GALNTL6: variants seen among roughly 807,000 people sequenced by gnomAD.
GALNTL6 encodes the protein polypeptide N-acetylgalactosaminyltransferase-like 6.
In GALNTL6, 46 loss-of-function variants were observed where a neutral mutation model predicts 73.7. The observed-to-expected ratio is 0.62, with a 90% CI of 0.49 to 0.80. The LOEUF (loss-of-function observed/expected upper bound fraction) is 0.80. Ranked by LOEUF, GALNTL6 falls within the 30% of genes least tolerant of loss-of-function variation. The pLI is 0.00. For missense variants in GALNTL6, 604 were observed against 755.0 expected, an observed-to-expected ratio of 0.80 and a Z score of 2.34; for synonymous variants, 259 against 263.7, an observed-to-expected ratio of 0.98 and a Z score of 0.17.
chr4:172,054,056 G>T (rs925080857), intron 2 of GALNTL6, among the ~76,000 whole-genome samples: 3 of 151,986 alleles, frequency 2.0e-5, no homozygotes, highest in Admixed American at 1.3e-4. Flanking sequence ...AGAAATAAAT[G>T]TTGGCTTCTA....
intron 5 of GALNTL6, among the ~76,000 whole-genome samples, chr4:172,435,066 G>C (rs1731586181): frequency 1.3e-5 from 2 of 151,878 alleles, no homozygotes; most frequent in South Asian, 4.2e-4. Context: ...TTAATTACTG[G>C]GGTCCTTGGA....
rs1438338630 is a variant in GALNTL6 at position 172,855,670 on chromosome 4, G to C, written c.924-27120G>C. 2.6e-5 allele frequency among the ~76,000 whole-genome samples: 4 copies of C among 152,218 alleles called. No homozygotes were observed. In the East Asian group the frequency reaches 7.7e-4, roughly 29 times the overall value. On this transcript the variant is annotated intron_variant, in intron 7 of 12. Coordinates refer to ENST00000506823, the MANE Select transcript of GALNTL6 (RefSeq NM_001034845.3). ...AAGAGTTTTCAGCCCTTGAGTATTT[G>C]CTTTTTAAAAGACTGGATTCTATCA...
chr4:172,084,886 T>C (rs1290119494), intron 2 of GALNTL6, among the ~76,000 whole-genome samples: 1 of 152,166 alleles, frequency 6.6e-6, no homozygotes, highest in Non-Finnish European at 1.5e-5. Context: ...TATATGATGT[T>C]GTCACGTAAA....
At chr4:172,181,860 C>T (rs1251206745) in intron 2 of GALNTL6, among the ~76,000 whole-genome samples, 2 of 151,792 alleles carry the variant, frequency 1.3e-5, no homozygotes, top group Non-Finnish European at 2.9e-5. Flanking sequence ...GGACTACAGG[C>T]ACCCACCACC....
chr4:171,938,203 CTTAGTCATTCCCCAG>C (rs1393342393), intron 2 of GALNTL6, among the ~76,000 whole-genome samples: 11 of 152,158 alleles, frequency 7.2e-5, no homozygotes, highest in African/African-American at 2.6e-4. Context: ...CCAATGCCTG[CTTAGTCATTCCCCAG>C]TCTCCAGCCC....
intron 2 of GALNTL6, among the ~76,000 whole-genome samples, chr4:172,140,231 AG>A (rs1369324100): frequency 7.2e-5 from 11 of 152,110 alleles, no homozygotes; most frequent in Non-Finnish European, 1.3e-4. Flanking sequence ...TACATGTTGC[AG>A]AAAAAGGTGT....
intron 3 of GALNTL6, among the ~76,000 whole-genome samples, chr4:172,247,357 T>C (rs1737698490): frequency 6.6e-6 from 1 of 152,126 alleles, no homozygotes; most frequent in African/African-American, 2.4e-5. Context: ...TACTTGATGG[T>C]TTCTTAGAGA....
chr4:172,450,075 G>T (rs967079897), intron 5 of GALNTL6, among the ~76,000 whole-genome samples: 4 of 151,936 alleles, frequency 2.6e-5, no homozygotes, highest in Non-Finnish European at 5.9e-5. Context: ...AAATTAGCCA[G>T]GTGTGGTGGT....
chr4:171,923,805 T>C (rs1462817998), intron 2 of GALNTL6, among the ~76,000 whole-genome samples: 1 of 147,658 alleles, frequency 6.8e-6, no homozygotes, highest in Non-Finnish European at 1.5e-5. Flanking sequence ...TGTGTGTGTG[T>C]GTGTGTGTGT....
At chr4:172,367,331 C>T (rs930853630) in intron 5 of GALNTL6, among the ~76,000 whole-genome samples, 1 of 152,068 alleles carries the variant, frequency 6.6e-6, no homozygotes, top group Non-Finnish European at 1.5e-5. Context: ...ATGTGTTTGC[C>T]TTCATTCATG....
intron 2 of GALNTL6, among the ~76,000 whole-genome samples, chr4:172,182,723 AT>A (rs969762485): frequency 6.6e-6 from 1 of 151,966 alleles, no homozygotes; most frequent in Admixed American, 6.6e-5. Context: ...GTGTAAATAC[AT>A]TTTTTAAATG....
intron 5 of GALNTL6, among the ~76,000 whole-genome samples, chr4:172,558,249 T>C (rs1252553078): frequency 6.6e-6 from 1 of 152,156 alleles, no homozygotes; most frequent in East Asian, 1.9e-4. Flanking sequence ...ATGAACAAAC[T>C]TCAAACCTAC....
At chr4:172,996,275 A>C (rs772481744) in intron 10 of GALNTL6, among the ~76,000 whole-genome samples, 6 of 152,150 alleles carry the variant, frequency 3.9e-5, no homozygotes, top group Non-Finnish European at 7.3e-5. Context: ...ATCCTTAGCA[A>C]ACTAACGCAG....
intron 5 of GALNTL6, among the ~76,000 whole-genome samples, chr4:172,682,838 A>G (rs967281132): frequency 2.0e-5 from 3 of 152,044 alleles, no homozygotes; most frequent in African/African-American, 7.3e-5. Context: ...TGTGCTCCCC[A>G]TGAGCTAAGG....
intron 7 of GALNTL6, among the ~76,000 whole-genome samples, chr4:172,881,878 C>CTCA (rs1035178337): frequency 6.6e-6 from 1 of 152,146 alleles, no homozygotes; most frequent in Non-Finnish European, 1.5e-5. Flanking sequence ...CCACGCTAGC[C>CTCA]TCAGCCTTGG....
At chr4:172,059,678 G>A (rs1307263620) in intron 2 of GALNTL6, among the ~76,000 whole-genome samples, 1 of 152,116 alleles carries the variant, frequency 6.6e-6, no homozygotes, top group African/African-American at 2.4e-5. Context: ...ATTTAAATGT[G>A]AATTGGTTAA....
At chr4:172,026,218 T>A (rs1263128120) in intron 2 of GALNTL6, among the ~76,000 whole-genome samples, 4 of 116,000 alleles carry the variant, frequency 3.4e-5, no homozygotes, top group Non-Finnish European at 7.5e-5. Flanking sequence ...ACCCTCAGGA[T>A]TATAAATGTA....
intron 2 of GALNTL6, among the ~76,000 whole-genome samples, chr4:172,153,269 T>G (rs1204440348): frequency 6.6e-6 from 1 of 152,162 alleles, no homozygotes; most frequent in Non-Finnish European, 1.5e-5. Flanking sequence ...TAAGAAGGCC[T>G]CTTACAAGTC....
chr4:172,423,763 T>G (rs991842293), intron 5 of GALNTL6, among the ~76,000 whole-genome samples: 2 of 152,086 alleles, frequency 1.3e-5, no homozygotes, highest in Admixed American at 6.6e-5. Flanking sequence ...TACTAAATGC[T>G]TAGAACCATG....
Sources: allele counts gnomAD v4.1 joint callset (sites outside exome capture counted in the v4.1 genomes callset), GRCh38; gene constraint gnomAD v4.1.1; transcripts MANE v1.5; gene names NCBI Gene and HGNC (gene_info 2026-07-23, HGNC 2026-07-21).